Variants in SLC25A32 observed in about 807,000 individuals in gnomAD.
SLC25A32 encodes Glycine auxotroph B, complementation of hamster.
A neutral mutation model predicts 39.0 loss-of-function variants in SLC25A32; 32 were observed. The observed-to-expected ratio is 0.82, with a 90% CI of 0.62 to 1.10. The LOEUF is 1.10. SLC25A32 is among the 50% of genes least tolerant of loss of function. SLC25A32 has a pLI of 0.00. For missense variants in SLC25A32, 367 were observed against 395.3 expected, an observed-to-expected ratio of 0.93 and a Z score of 0.61; for synonymous variants, 166 against 152.4, an observed-to-expected ratio of 1.09 and a Z score of -0.66.
At chr8:103,405,045 C>T (rs935254313) in intron 2 of SLC25A32, among the ~76,000 whole-genome samples, 184 bp from the exon 3 acceptor site, 3 of 152,138 alleles carry the variant, frequency 2.0e-5, no homozygotes, top group African/African-American at 7.2e-5. Context: ...ACCACCCCTC[C>T]CTCTCAAATG....
At chr8:103,407,897 AC>A (rs1479203841) in intron 1 of SLC25A32, 113 bp from the exon 2 acceptor site, 28 of 596,740 alleles carry the variant, frequency 4.7e-5, no homozygotes, top group Non-Finnish European at 7.0e-5. Context: ...TAGAAGAAAA[AC>A]TTTTTTAGGT....
rs371857312 is a variant in SLC25A32 at position 103,407,793 on chromosome 8, A to G, written c.155-9T>C. On this transcript the variant is annotated splice_polypyrimidine_tract_variant and intron_variant, in intron 1 of 6. Transcript: ENST00000297578. Reference sequence around the variant, plus strand: ...TTCCAATCCATCACTCACTGCATCAAGGGATACACAAAGTCAGGTAAGAAC... The same window carrying G: ...TTCCAATCCATCACTCACTGCATCAGGGGATACACAAAGTCAGGTAAGAAC... 7 of 1,611,430 alleles carry G rather than the reference A, an allele frequency of 4.3e-6. No individual in the cohort carries two copies. The African/African-American group carries it at 9.4e-5, about 22-fold the overall frequency.
chr8:103,401,902 T>C lies in SLC25A32; in HGVS notation c.666+39A>G, dbSNP rs745743736. Reference sequence around the variant, plus strand: ...AAAATTTCTACCTATTAAATACCCATAAAAGGAAATGATATCATTTTTACA... The same window carrying C: ...AAAATTTCTACCTATTAAATACCCACAAAAGGAAATGATATCATTTTTACA... On this transcript the variant is annotated intron_variant, in intron 5 of 6. Coordinates refer to ENST00000297578, the MANE Select transcript of SLC25A32 (RefSeq NM_030780.5). 2.6e-6 allele frequency: 4 copies of C among 1,536,756 alleles called. No individual in the cohort carries two copies. In the South Asian group the frequency reaches 3.5e-5, roughly 13 times the overall value.
Position 103,400,474 on chromosome 8 carries a change from A to C in SLC25A32, c.885T>G (p.Ile295Met). Residue 295 changes from isoleucine (I) to methionine (M), a missense_variant, in exon 7 of 7, where the codon ATT becomes ATG. Physicochemically the swap from Ile to Met is conservative, Grantham distance 10. Coordinates refer to ENST00000297578, the MANE Select transcript of SLC25A32 (RefSeq NM_030780.5). ...NLIRVTPACC[I>M]TFVVYENVSH... ...AGACGTTTTCATATACCACAAAGGT[A>C]ATACAGCAGGCTGGAGTCACTCTAA... is the stretch of plus-strand genomic sequence containing the variant. The C allele has an allele frequency of 6.2e-7, 1 of 1,614,116 alleles. No individual in the cohort carries two copies. Among genetic ancestry groups the C allele is most frequent in the Non-Finnish European group, 8.5e-7 (1 of 1,179,932 alleles).
At position 103,403,384 on chromosome 8, in the gene SLC25A32, C is replaced by T. The variant is rs981671473; in HGVS notation, c.392-60G>A. ...CAGATACTTTCGCACTTATGACAACCCAAATTAGAAACAGTACATTTATGT... is the reference window on the plus strand; with the variant it reads ...CAGATACTTTCGCACTTATGACAACTCAAATTAGAAACAGTACATTTATGT... On this transcript the variant is annotated intron_variant, in intron 3 of 6. Coordinates refer to ENST00000297578, the MANE Select transcript of SLC25A32 (RefSeq NM_030780.5). The T allele has an allele frequency of 4.4e-6, 4 of 914,598 alleles. No individual in the cohort carries two copies. In the African/African-American group the frequency reaches 7.5e-5, roughly 17 times the overall value. The allele number at this position is 914,598 out of a possible 1,614,324, so 56.7% of individuals were successfully genotyped here.
Position 103,401,601 on chromosome 8 carries a change from AT to A in SLC25A32, c.726del (p.Tyr243ThrfsTer6). ...CGAGCTCTTACGACTTGATATGGGT[AT>A]GTTGCTGCGACAGCAAATATTTTGG... ...ALSKIFAVAA[T>X]YPYQVVRARL... On this transcript the variant is annotated frameshift_variant, in exon 6 of 7. Transcript: ENST00000297578. LOFTEE classifies it high-confidence loss of function. The A allele has an allele frequency of 6.2e-7, 1 of 1,613,614 alleles. No homozygotes were observed. Among genetic ancestry groups the A allele is most frequent in the Non-Finnish European group, 8.5e-7 (1 of 1,179,624 alleles).
chr8:103,403,467 T>C (rs117846978), intron 3 of SLC25A32, 143 bp from the exon 4 acceptor site: 8,759 of 541,550 alleles, frequency 0.016, 107 homozygotes, highest in Non-Finnish European at 0.02. Context: ...CTGTGAAATG[T>C]AGTTTCTGAG....
rs751187219 is a variant in SLC25A32 at position 103,400,562 on chromosome 8, T to C, written c.813-16A>G. On this transcript the variant is annotated splice_polypyrimidine_tract_variant and intron_variant, in intron 6 of 6. Coordinates refer to ENST00000297578, the MANE Select transcript of SLC25A32 (RefSeq NM_030780.5). ...GCCTTCTTTCCTTTAGAGGGAAAAATAGATAATGCTTAATTTTGTATAGAG... is the reference window on the plus strand; with the variant it reads ...GCCTTCTTTCCTTTAGAGGGAAAAACAGATAATGCTTAATTTTGTATAGAG... 3.7e-6 allele frequency: 6 copies of C among 1,612,586 alleles called. No individual in the cohort carries two copies. In the East Asian group the frequency reaches 8.9e-5, roughly 24 times the overall value.
At position 103,399,406 on chromosome 8, in the gene SLC25A32, C is replaced by CA. The variant is rs1222468113; in HGVS notation, c.*1004dup. ...TTTAAAATAGATTAAGTATTTATGC[C>CA]AAAAAACAAGAACTGGATCTAGGAT... On this transcript the variant is annotated 3_prime_UTR_variant, in exon 7 of 7. Coordinates refer to ENST00000297578, the MANE Select transcript of SLC25A32 (RefSeq NM_030780.5). 4.0e-5 allele frequency: 6 copies of CA among 151,836 alleles called. No individual in the cohort carries two copies. Among genetic ancestry groups the CA allele is most frequent in the Middle Eastern group, 3.4e-3 (1 of 294 alleles). 9.4% of individuals were successfully genotyped at this position (151,836 alleles called of 1,614,324 possible).
chr8:103,412,691 C>T (rs1224831548), intron 1 of SLC25A32, among the ~76,000 whole-genome samples: 1 of 152,110 alleles, frequency 6.6e-6, no homozygotes, highest in African/African-American at 2.4e-5. Flanking sequence ...TTTTCTCTCC[C>T]GAGCTAAACT....
Position 103,406,074 on chromosome 8 carries a change from T to C in SLC25A32, c.306-1213A>G, listed in dbSNP as rs555863539. Among the ~76,000 whole-genome samples the C allele has an allele frequency of 2.3e-3, 346 of 149,540 alleles. 1 individual carries two copies. Among genetic ancestry groups the C allele is most frequent in the African/African-American group, 7.6e-3 (310 of 41,018 alleles). On this transcript the variant is annotated intron_variant, in intron 2 of 6. Transcript: ENST00000297578. ...ATGTGTGTGTGTGTGTGTATATATA[T>C]ATATATACACACACACATATACATA...
chr8:103,410,123 A>G (rs1200678879), intron 1 of SLC25A32, among the ~76,000 whole-genome samples: 3 of 152,166 alleles, frequency 2.0e-5, no homozygotes, highest in South Asian at 2.1e-4. Flanking sequence ...TTCTCTCTTG[A>G]GGTAAAAAGC....
intron 2 of SLC25A32, among the ~76,000 whole-genome samples, chr8:103,405,223 C>T (rs1170380139): frequency 6.6e-6 from 1 of 152,074 alleles, no homozygotes; most frequent in African/African-American, 2.4e-5. Flanking sequence ...ATACTGAGCA[C>T]CTACGTTCAG....
intron 6 of SLC25A32, 89 bp downstream of exon 6, chr8:103,401,427 C>G: frequency 8.2e-7 from 1 of 1,213,520 alleles, no homozygotes; most frequent in Non-Finnish European, 1.1e-6. Flanking sequence ...AGCAAACTGG[C>G]CTTTGCTATA....
rs185416613 is a variant in SLC25A32 at position 103,406,463 on chromosome 8, G to C, written c.305+1171C>G. The stretch of plus-strand genomic sequence containing the variant: ...CGTGCTCAGAGCAGCACATGCTCCT[G>C]CAATACAGTGCGATGATGGTTTGTG... On this transcript the variant is annotated intron_variant, in intron 2 of 6. Coordinates refer to ENST00000297578, the MANE Select transcript of SLC25A32 (RefSeq NM_030780.5). Among the ~76,000 whole-genome samples the C allele has an allele frequency of 6.6e-5, 10 of 152,354 alleles. No individual in the cohort carries two copies. The East Asian group carries it at 1.9e-3, about 29-fold the overall frequency.
chr8:103,409,023 CAGAA>C (rs1165822112), intron 1 of SLC25A32, among the ~76,000 whole-genome samples: 3 of 152,044 alleles, frequency 2.0e-5, no homozygotes, highest in Admixed American at 1.3e-4. Context: ...CTGTAGGAAA[CAGAA>C]AGCACATTCA....
In SLC25A32 at chr8:103,414,876, A is replaced by C; in HGVS notation, c.62T>G (p.Val21Gly). The C allele has an allele frequency of 6.2e-7, 1 of 1,613,250 alleles. No individual in the cohort carries two copies. The highest frequency in any genetic ancestry group is 8.5e-7 in the Non-Finnish European group (1 of 1,179,866). Residue 21 changes from valine to glycine, a missense_variant, in exon 1 of 7, where the codon GTC (valine) becomes GGC (glycine). Physicochemically the swap from Val to Gly is moderately radical, Grantham distance 109. Transcript: ENST00000297578. ...SSAWSTVFRH[V>G]RYENLIAGVS... ...GCCCGCTATCAGGTTCTCATACCGG[A>C]CGTGGCGGAATACCGTGCTCCACGC...
chr8:103,401,943 A>G lies in SLC25A32; in HGVS notation c.664T>C (p.Leu222=), dbSNP rs1299801061. The G allele has an allele frequency of 3.1e-6, 5 of 1,602,874 alleles. No homozygotes were observed. Among genetic ancestry groups the G allele is most frequent in the Non-Finnish European group, 3.4e-6 (4 of 1,173,866 alleles). Residue 222 remains leucine, a splice_region_variant and synonymous_variant, in exon 5 of 7, where the codon TTG becomes CTG. Coordinates refer to ENST00000297578, the MANE Select transcript of SLC25A32 (RefSeq NM_030780.5). ...CATTTTTACAAGAATAATCTTACCA[A>G]CTGGGCTTCTGGTAATCTATTGATA... The part of the protein sequence containing the change: ...QHINRLPEAQ[L]STVEYISVAA...
intron 1 of SLC25A32, among the ~76,000 whole-genome samples, chr8:103,414,060 A>C (rs561299228): frequency 6.6e-6 from 1 of 152,358 alleles, no homozygotes; most frequent in Non-Finnish European, 1.5e-5. Flanking sequence ...GAATTGCCTA[A>C]TGCTAAAATA....
Sources: gnomAD v4.1 joint callset for allele counts (sites outside exome capture counted in the v4.1 genomes callset) on GRCh38, gnomAD v4.1.1 for gene constraint, MANE v1.5 for transcripts, NCBI Gene and HGNC (gene_info 2026-07-23, HGNC 2026-07-21) for gene names.